Variants in SLC19A1 observed in about 807,000 individuals in gnomAD.
SLC19A1 encodes the protein solute carrier family 19 member 1.
In SLC19A1, 37 loss-of-function variants were observed where a neutral mutation model predicts 35.3. The observed-to-expected ratio is 1.05, with a 90% CI of 0.81 to 1.38. SLC19A1 has a LOEUF of 1.38. Ranked by LOEUF, SLC19A1 falls within the 40% of genes most tolerant of loss-of-function variation. The pLI is 0.00. For synonymous variants in SLC19A1, 460 were observed against 398.5 expected, an observed-to-expected ratio of 1.15 and a Z score of -1.84; for missense variants, 831 against 826.9, an observed-to-expected ratio of 1.00 and a Z score of -0.06.
chr21:45,503,752 ATC>A (rs1555874194), intron 3 of SLC19A1, among the ~76,000 whole-genome samples: 68 of 152,268 alleles, frequency 4.5e-4, no homozygotes, highest in Admixed American at 1.9e-3. Context: ...TAACCTGCAC[ATC>A]ATGCACATGT....
intron 4 of SLC19A1, among the ~76,000 whole-genome samples, chr21:45,526,283 A>T (rs940922699): frequency 6.6e-6 from 1 of 152,256 alleles, no homozygotes; most frequent in East Asian, 1.9e-4. Context: ...CCATAATGAG[A>T]TGTCTTGAGG....
At chr21:45,529,051 TG>T (rs1231287296) in intron 4 of SLC19A1, among the ~76,000 whole-genome samples, 1 of 151,922 alleles carries the variant, frequency 6.6e-6, no homozygotes, top group Non-Finnish European at 1.5e-5. Flanking sequence ...GGCAGGTCAG[TG>T]GGGGGGCCCA....
chr21:45,535,823 C>T (rs376198420), intron 2 of SLC19A1, among the ~76,000 whole-genome samples: 4 of 152,372 alleles, frequency 2.6e-5, no homozygotes, highest in East Asian at 3.9e-4. Context: ...CTCGAACCCA[C>T]GTGGAACGTC....
intron 1 of SLC19A1, among the ~76,000 whole-genome samples, chr21:45,557,262 C>T (rs1261400234): frequency 1.3e-5 from 2 of 152,218 alleles, no homozygotes; most frequent in South Asian, 2.1e-4. Flanking sequence ...GCTCAGACAG[C>T]GGCCCGGGAG....
Position 45,537,971 on chromosome 21 carries a change from C to T in SLC19A1, c.-12G>A, listed in dbSNP as rs376494560. The T allele has an allele frequency of 8.0e-4, 1,230 of 1,533,224 alleles. 4 individuals are homozygous for T. Among genetic ancestry groups the T allele is most frequent in the Non-Finnish European group, 1.0e-3 (1,173 of 1,141,226 alleles). 95.0% of individuals were successfully genotyped at this position (1,533,224 alleles called of 1,614,324 possible). On this transcript the variant is annotated 5_prime_UTR_variant, in exon 2 of 6. Transcript: ENST00000311124. ...CTGGAGGGCACCATCCTGCTCAGGC[C>T]ACGTGCAGCTCCGGAGGGGACGAAG...
intron 1 of SLC19A1, among the ~76,000 whole-genome samples, chr21:45,554,831 C>T (rs1381841521): frequency 6.6e-6 from 1 of 151,838 alleles, no homozygotes. Context: ...TTTTTCCCAT[C>T]TTATTTGCTT....
rs879671486 is a variant in SLC19A1, at chr21:45,533,643, T to C, written c.190-1495A>G. Among the ~76,000 whole-genome samples, 46 of 151,590 alleles carry C rather than the reference T, an allele frequency of 3.0e-4. No individual in the cohort carries two copies. The highest frequency in any genetic ancestry group is 5.9e-4 in the Non-Finnish European group (40 of 67,816). On this transcript the variant is annotated intron_variant, in intron 2 of 5. Transcript: ENST00000311124. This position sits in a 1 kb window ranked among gnomAD's most constrained non-coding sequence, Gnocchi z 4.5. ...GAGCCAGCAGGGCCCTGCTGGACTC[T>C]GGGCCTCCAGCAGGCCCCACCCGAC...
At position 45,525,853 on chromosome 21, in the gene SLC19A1, C is replaced by T. The variant is rs145535276; in HGVS notation, c.1257G>A (p.Ser419=). ...CCGGGAGGCCCAGGCCCCGCACGTC[C>T]GAGACAATGAAAGTGATGATGGTCT... is the stretch of plus-strand genomic sequence containing the variant. The part of the protein sequence containing the change: ...IVKTIITFIV[S]DVRGLGLPVR... Residue 419 remains serine (S), a synonymous_variant, in exon 5 of 6, where the codon TCG becomes TCA. Transcript: ENST00000311124. 86 of 1,613,442 alleles carry T rather than the reference C, an allele frequency of 5.3e-5. No homozygotes were observed. The African/African-American group carries it at 9.5e-4, about 18-fold the overall frequency.
At chr21:45,507,716 C>G (rs2037307280), downstream of SLC19A1, 11 of 912,186 alleles carry the variant, frequency 1.2e-5, no homozygotes, top group Non-Finnish European at 1.8e-5. Flanking sequence ...TGTGGCTCAC[C>G]ATCAGCCCCT....
At chr21:45,510,220 CGCCGTGCCGACCGCGCA>C (rs1323772321), downstream of SLC19A1, 1 of 1,606,006 alleles carries the variant, frequency 6.2e-7, no homozygotes, top group Non-Finnish European at 8.5e-7. Context: ...CAGCATCGTG[CGCCGTGCCGACCGCGCA>C]GCCGTGCCCA....
Position 45,504,245 on chromosome 21 carries a change from C to T in SLC19A1, c.498-5633G>A, listed in dbSNP as rs182733378. ...TCCCCGGCTCAGTTTTTGGGGGACT[C>T]GGCTGATGCAGTGGGAGGTGGGGAG... On this transcript the variant is annotated intron_variant, in intron 3 of 4. Coordinates refer to the SLC19A1 transcript ENST00000417954. 632 of 881,934 alleles carry T rather than the reference C, an allele frequency of 7.2e-4. 2 individuals carry two copies. The African/African-American group carries it at 9.2e-3, about 13-fold the overall frequency. 54.6% of individuals were successfully genotyped at this position (881,934 alleles called of 1,614,324 possible).
At chr21:45,546,266 G>A (rs1023159), upstream of SLC19A1, among the ~76,000 whole-genome samples, 51,934 of 152,226 alleles carry the variant, frequency 0.34, 9,289 homozygotes, top group Middle Eastern at 0.46. Context: ...AGGAAGAAGC[G>A]TTGTCCCTGG....
downstream of SLC19A1, chr21:45,509,946 G>A (rs991124111): frequency 9.8e-6 from 12 of 1,221,902 alleles, no homozygotes; most frequent in East Asian, 2.6e-5. Context: ...CGCGCCTCCC[G>A]CTCAGCGCCC....
downstream of SLC19A1, chr21:45,512,239 C>A (rs372279165): frequency 3.7e-6 from 6 of 1,612,450 alleles, no homozygotes; most frequent in Admixed American, 3.3e-5. Flanking sequence ...GCAGGCTGAC[C>A]GAGAGCTACT....
At position 45,517,331 on chromosome 21, in the gene SLC19A1, C is replaced by T. The variant is rs911897762; in HGVS notation, c.1294-1191G>A. On this transcript the variant is annotated intron_variant, in intron 5 of 5. Coordinates refer to ENST00000311124, the MANE Select transcript of SLC19A1 (RefSeq NM_194255.4). This position sits in a 1 kb window ranked among gnomAD's most constrained non-coding sequence, Gnocchi z 4.4. ...GCCCTGCTCCCCGCAAACACCAGAC[C>T]TCGGCTCCACCCACCATGTCAGCAA... 1.3e-5 allele frequency among the ~76,000 whole-genome samples: 2 copies of T among 152,032 alleles called. No individual in the cohort carries two copies. Among genetic ancestry groups the T allele is most frequent in the African/African-American group, 4.8e-5 (2 of 41,318 alleles).
intron 1 of SLC19A1, among the ~76,000 whole-genome samples, chr21:45,555,160 C>CAGGGGGCGGCGCAGGGGGCGGCGCA: frequency 2.4e-5 from 1 of 41,824 alleles, no homozygotes; most frequent in East Asian, 8.1e-4. Flanking sequence ...CAGGGGGCGG[C>CAGGGGGCGGCGCAGGGGGCGGCGCA]GGGGGCGGCG....
At chr21:45,521,896 C>CTT (rs1460588090) in intron 5 of SLC19A1, among the ~76,000 whole-genome samples, 2 of 151,992 alleles carry the variant, frequency 1.3e-5, no homozygotes, top group Non-Finnish European at 2.9e-5. Context: ...AAACACGAAA[C>CTT]TTTAAAAAAG....
intron 3 of SLC19A1, among the ~76,000 whole-genome samples, chr21:45,503,164 T>C (rs2036956471): frequency 6.6e-6 from 1 of 152,236 alleles, no homozygotes; most frequent in Non-Finnish European, 1.5e-5. Context: ...CCACAATGGT[T>C]GAACTAGTTT....
At chr21:45,510,019 G>A, downstream of SLC19A1, 1 of 1,530,324 alleles carries the variant, frequency 6.5e-7, no homozygotes, top group Non-Finnish European at 8.8e-7. Flanking sequence ...CTGGGTGCAG[G>A]GGGCAGCGTG....
Sources: allele counts gnomAD v4.1 joint callset (sites outside exome capture counted in the v4.1 genomes callset), GRCh38; gene constraint gnomAD v4.1.1; non-coding constraint Gnocchi (gnomAD v3.1); transcripts MANE v1.5; gene names NCBI Gene and HGNC (gene_info 2026-07-23, HGNC 2026-07-21).